Variants in NUDT14 observed in about 807,000 individuals in gnomAD.
The protein encoded by NUDT14 is nudix hydrolase 14, also known as uridine diphosphate glucose pyrophosphatase NUDT14.
A neutral mutation model predicts 17.5 loss-of-function variants in NUDT14; 22 were observed. The observed-to-expected ratio is 1.26, with a 90% CI of 0.90 to 1.80. NUDT14 has a LOEUF of 1.80. NUDT14 is among the 40% of genes most tolerant of loss of function. NUDT14 has a pLI of 0.00. For missense variants in NUDT14, 296 were observed against 295.6 expected (o/e 1.00, Z -0.01); for synonymous variants, 129 against 125.8 (o/e 1.03, Z -0.17).
At chr14:105,178,608 G>C (rs145890386) in intron 1 of NUDT14, among the ~76,000 whole-genome samples, 1 of 152,184 alleles carries the variant, frequency 6.6e-6, no homozygotes, top group Non-Finnish European at 1.5e-5. Flanking sequence ...GGGGTCCCGC[G>C]GGGTCCCATC....
chr14:105,178,603 C>T (rs1467445810), intron 1 of NUDT14, among the ~76,000 whole-genome samples: 1 of 152,174 alleles, frequency 6.6e-6, no homozygotes, highest in Admixed American at 6.5e-5. Context: ...AGCCTGGGGT[C>T]CCGCGGGGTC....
At position 105,173,777 on chromosome 14, in the gene NUDT14, A is replaced by T. The variant is rs1344229998; in HGVS notation, c.429-516T>A. On this transcript the variant is annotated intron_variant, in intron 4 of 4. Transcript: ENST00000392568. The surrounding 1 kb of genome is among the most constrained non-coding windows in gnomAD (Gnocchi z 4.7). ...ACCCCAAGCCCCCATGAGATTGCAG[A>T]TCCGGCTGACAACCTGCCTGCAACC... The T allele has an allele frequency of 1.3e-5, 2 of 151,610 alleles. No individual in the cohort carries two copies. The highest frequency in any genetic ancestry group is 2.9e-5 in the Non-Finnish European group (2 of 68,006). 9.4% of individuals were successfully genotyped at this position (151,610 alleles called of 1,614,324 possible). A position where few individuals can be genotyped will look rare whatever the true frequency, so the allele number is the denominator to read the frequency against.
chr14:105,181,023 G>T lies in NUDT14; in HGVS notation c.81+106C>A. The T allele has an allele frequency of 3.4e-6, 1 of 291,550 alleles. No homozygotes were observed. The highest frequency in any genetic ancestry group is 5.2e-6 in the Non-Finnish European group (1 of 191,600). 18.1% of individuals were successfully genotyped at this position (291,550 alleles called of 1,614,324 possible). On this transcript the variant is annotated intron_variant, in intron 1 of 4. Coordinates refer to ENST00000392568, the MANE Select transcript of NUDT14 (RefSeq NM_177533.5). This position sits in a 1 kb window ranked among gnomAD's most constrained non-coding sequence, Gnocchi z 5.0. ...CCCGGGAGATCGGCGGGAGGCGGGGGCGGGGCTCCGGGGCGGGGCCGGCAG... is the reference window on the plus strand; with the variant it reads ...CCCGGGAGATCGGCGGGAGGCGGGGTCGGGGCTCCGGGGCGGGGCCGGCAG...
chr14:105,177,399 C>A, intron 2 of NUDT14: 1 of 549,988 alleles, frequency 1.8e-6, no homozygotes, highest in Non-Finnish European at 3.3e-6. Context: ...CCATCCAGCC[C>A]AGACCCTGGA....
intron 1 of NUDT14, among the ~76,000 whole-genome samples, chr14:105,179,857 G>A (rs1655072760): frequency 6.6e-6 from 1 of 152,200 alleles, no homozygotes; most frequent in African/African-American, 2.4e-5. Flanking sequence ...GGGGCCAAGA[G>A]GGCTTCTCCA....
Position 105,173,134 on chromosome 14 carries a change from G to A in NUDT14, c.556C>T (p.Leu186=), listed in dbSNP as rs1412753510. Residue 186 remains leucine (L), a synonymous_variant, in exon 5 of 5, where the codon CTG becomes TTG. Transcript: ENST00000392568. This position sits in a 1 kb window ranked among gnomAD's most constrained non-coding sequence, Gnocchi z 4.7. ...GELIEVVHLP[L]EGAQAFADDP... is the part of the protein sequence containing the mutation. ...TCTGCAAAGGCCTGGGCGCCTTCCA[G>A]GGGCAGGTGCACCACCTCAATGAGC... 1 of 1,608,552 alleles carries A rather than the reference G, an allele frequency of 6.2e-7. No individual in the cohort carries two copies. The highest frequency in any genetic ancestry group is 8.5e-7 in the Non-Finnish European group (1 of 1,178,236).
intron 1 of NUDT14, among the ~76,000 whole-genome samples, chr14:105,179,114 C>T (rs1165550438): frequency 6.6e-6 from 1 of 152,204 alleles, no homozygotes; most frequent in Non-Finnish European, 1.5e-5. Flanking sequence ...TAACATCACC[C>T]CATGCAGGTC....
chr14:105,174,849 C>T (rs912443611), intron 4 of NUDT14, among the ~76,000 whole-genome samples: 1 of 152,150 alleles, frequency 6.6e-6, no homozygotes, highest in Admixed American at 6.5e-5. Context: ...TCCTTTGCAG[C>T]GGCAGGTAAG....
At position 105,176,603 on chromosome 14, in the gene NUDT14, C is replaced by A. The variant is rs768239721; in HGVS notation, c.359G>T (p.Cys120Phe). Reference protein sequence around the residue: ...QPGLSLEEVACKEAWEECGYH... With the variant: ...QPGLSLEEVAFKEAWEECGYH... ...GCCACACTCCTCCCAAGCCTCCTTG[C>A]AAGCCACTTCCTCCAGCGAGAGCCC... The change falls in exon 4 of 5, where the codon TGC becomes TTC. Residue 120 changes from cysteine to phenylalanine, a missense_variant. Coordinates refer to ENST00000392568, the MANE Select transcript of NUDT14 (RefSeq NM_177533.5). 2 of 1,612,780 alleles carry A rather than the reference C, an allele frequency of 1.2e-6. No homozygotes were observed. Among genetic ancestry groups the A allele is most frequent in the South Asian group, 1.1e-5 (1 of 91,082 alleles).
At position 105,177,035 on chromosome 14, in the gene NUDT14, C is replaced by CG. The variant is rs1405693707; in HGVS notation, c.126-9dup. 6.2e-7 allele frequency: 1 copy of CG among 1,610,402 alleles called. No individual in the cohort carries two copies. The highest frequency in any genetic ancestry group is 8.5e-7 in the Non-Finnish European group (1 of 1,179,210). ...AATAAGAGAACGGTCACGCTGTGTA[C>CG]GGGGGGAGGGGCTCAGCACAGAAGC... is the stretch of plus-strand genomic sequence containing the variant. On this transcript the variant is annotated splice_polypyrimidine_tract_variant and intron_variant, in intron 2 of 4. Transcript: ENST00000392568.
intron 1 of NUDT14, among the ~76,000 whole-genome samples, chr14:105,180,245 C>T (rs587635204): frequency 2.6e-5 from 4 of 152,282 alleles, no homozygotes; most frequent in South Asian, 2.1e-4. Context: ...GCAGGAGGAT[C>T]GGTTGAGGCC....
intron 1 of NUDT14, among the ~76,000 whole-genome samples, chr14:105,180,358 G>A (rs906087362): frequency 6.6e-6 from 1 of 152,154 alleles, no homozygotes. Flanking sequence ...CCAGCTACTG[G>A]GGCGGGGGCT....
intron 4 of NUDT14, chr14:105,176,112 G>A: frequency 1.4e-6 from 1 of 705,388 alleles, no homozygotes; most frequent in Non-Finnish European, 2.0e-6. Flanking sequence ...CAAAGCGCAG[G>A]CTCTAGTGCC....
At chr14:105,178,601 G>T (rs1889266091) in intron 1 of NUDT14, among the ~76,000 whole-genome samples, 1 of 152,192 alleles carries the variant, frequency 6.6e-6, no homozygotes, top group Non-Finnish European at 1.5e-5. Context: ...TGAGCCTGGG[G>T]TCCCGCGGGG....
rs770544724 is a variant in NUDT14, at chr14:105,177,787, C to T, written c.82-52G>A. ...ATGTCCCAGGATGGGCGGAGGTGCT[C>T]GGGGAACCGAGGAGGCCACAGACCC... is the stretch of plus-strand genomic sequence containing the variant. On this transcript the variant is annotated intron_variant, in intron 1 of 4. Transcript: ENST00000392568. The T allele has an allele frequency of 1.1e-5, 17 of 1,583,662 alleles. No individual in the cohort carries two copies. The East Asian group carries it at 1.6e-4, about 15-fold the overall frequency.
intron 4 of NUDT14, among the ~76,000 whole-genome samples, chr14:105,175,313 G>A (rs1031026646): frequency 2.0e-5 from 3 of 152,262 alleles, no homozygotes; most frequent in Non-Finnish European, 1.5e-5. Flanking sequence ...CCACCACGGG[G>A]TAGACACCTG....
chr14:105,174,158 C>T (rs1889163924), intron 4 of NUDT14, among the ~76,000 whole-genome samples: 1 of 152,144 alleles, frequency 6.6e-6, no homozygotes, highest in African/African-American at 2.4e-5. Flanking sequence ...GAAGCCCCCT[C>T]CCTCAGTGGG....
In NUDT14 at chr14:105,181,285, C is replaced by T; in HGVS notation, c.-76G>A. 1 of 618,686 alleles carries T rather than the reference C, an allele frequency of 1.6e-6. No homozygotes were observed. The highest frequency in any genetic ancestry group is 2.1e-6 in the Non-Finnish European group (1 of 475,788). The allele number at this position is 618,686 out of a possible 1,614,324, so 38.3% of individuals were successfully genotyped here. A position where few individuals can be genotyped will look rare whatever the true frequency, so the allele number is the denominator to read the frequency against. On this transcript the variant is annotated 5_prime_UTR_variant, in exon 1 of 5. Coordinates refer to ENST00000392568, the MANE Select transcript of NUDT14 (RefSeq NM_177533.5). The surrounding 1 kb of genome is among the most constrained non-coding windows in gnomAD (Gnocchi z 5.0). ...GGCGGCGCCCTGTCCCGACAGGAGC[C>T]TTCGGGCGGGCGCGTGACCGCGGCT...
chr14:105,173,343 C>T lies in NUDT14; in HGVS notation c.429-82G>A. ...GCCCTTCTACCACCCTCCAACCCAC[C>T]CTCTCCACTCTGCTCCCTCCAGCCC... On this transcript the variant is annotated intron_variant, in intron 4 of 4. Transcript: ENST00000392568. This position sits in a 1 kb window ranked among gnomAD's most constrained non-coding sequence, Gnocchi z 4.7. 1 of 1,385,550 alleles carries T rather than the reference C, an allele frequency of 7.2e-7. No individual in the cohort carries two copies. Among genetic ancestry groups the T allele is most frequent in the South Asian group, 1.7e-5 (1 of 57,380 alleles). The allele number at this position is 1,385,550 out of a possible 1,614,324, so 85.8% of individuals were successfully genotyped here. A position where few individuals can be genotyped will look rare whatever the true frequency, so the allele number is the denominator to read the frequency against.
Sources: allele counts gnomAD v4.1 joint callset (sites outside exome capture counted in the v4.1 genomes callset), GRCh38; gene constraint gnomAD v4.1.1; non-coding constraint Gnocchi (gnomAD v3.1); transcripts MANE v1.5; gene names NCBI Gene and HGNC (gene_info 2026-07-23, HGNC 2026-07-21).